ADAMTS9: variants seen among roughly 807,000 people sequenced by gnomAD.
ADAMTS9 encodes the protein ADAM metallopeptidase with thrombospondin type 1 motif 9, also known as A disintegrin and metalloproteinase with thrombospondin motifs 9.
A neutral mutation model predicts 257.1 loss-of-function variants in ADAMTS9; 107 were observed. That is an observed-to-expected ratio of 0.42 (90% CI 0.36 to 0.49). The LOEUF is 0.49. Among genes scored for constraint, ADAMTS9 ranks in the 20% least tolerant of loss-of-function variants. The pLI, the probability that ADAMTS9 is intolerant of heterozygous loss-of-function variation, is 0.03. For missense variants in ADAMTS9, 2,353 were observed against 2,469.1 expected (o/e 0.95, Z 1.00); for synonymous variants, 982 against 880.9 (o/e 1.11, Z -2.03).
intron 28 of ADAMTS9, among the ~76,000 whole-genome samples, chr3:64,577,815 C>T (rs1250963976): frequency 2.0e-5 from 3 of 152,132 alleles, no homozygotes; most frequent in Non-Finnish European, 4.4e-5. Context: ...CAATATCTGC[C>T]CCTTGGATCT....
intron 39 of ADAMTS9, among the ~76,000 whole-genome samples, chr3:64,518,193 A>G (rs1018541960): frequency 6.6e-6 from 1 of 152,208 alleles, no homozygotes; most frequent in African/African-American, 2.4e-5. Context: ...GAGAGTACTG[A>G]TGACTGAACT....
intron 16 of ADAMTS9, among the ~76,000 whole-genome samples, 198 bp downstream of exon 16, chr3:64,631,257 T>C (rs917956295): frequency 7.9e-5 from 12 of 152,222 alleles, no homozygotes; most frequent in African/African-American, 2.9e-4. Flanking sequence ...ATAGTGCAGC[T>C]ACACAACTTT....
intron 38 of ADAMTS9, among the ~76,000 whole-genome samples, chr3:64,532,930 C>T (rs1352640440): frequency 6.6e-6 from 1 of 152,158 alleles, no homozygotes; most frequent in Non-Finnish European, 1.5e-5. Flanking sequence ...TTGGATGGTT[C>T]ATATGTTCAC....
intron 28 of ADAMTS9, among the ~76,000 whole-genome samples, chr3:64,593,961 A>ATGTGTGTGTGTGTGTGTG (rs200112357): frequency 9.2e-6 from 1 of 108,264 alleles, no homozygotes; most frequent in Non-Finnish European, 1.7e-5. Context: ...TGTGTGTATG[A>ATGTGTGTGTGTGTGTGTG]TGTGTGTGTG....
chr3:64,596,392 A>G (rs1025178127), intron 27 of ADAMTS9, among the ~76,000 whole-genome samples: 1 of 152,204 alleles, frequency 6.6e-6, no homozygotes, highest in Admixed American at 6.5e-5. Flanking sequence ...TTTCATAGGA[A>G]TTATAACACC....
chr3:64,611,134 TC>T (rs952605667), intron 22 of ADAMTS9, among the ~76,000 whole-genome samples: 2 of 141,012 alleles, frequency 1.4e-5, no homozygotes, highest in Non-Finnish European at 3.1e-5. Context: ...ATTCAGCAAC[TC>T]CAATCCTAGA....
intron 28 of ADAMTS9, chr3:64,589,236 C>T (rs2084215377): frequency 6.6e-6 from 1 of 152,008 alleles, no homozygotes; most frequent in African/African-American, 2.4e-5. Context: ...GGGAATTTAC[C>T]AATAACAGGA....
intron 4 of ADAMTS9, among the ~76,000 whole-genome samples, chr3:64,657,598 A>G (rs527952528): frequency 5.3e-5 from 8 of 152,136 alleles, no homozygotes; most frequent in African/African-American, 1.9e-4. Flanking sequence ...TCAGCCTCCT[A>G]AAGTGTTGGG....
In ADAMTS9 at chr3:64,568,516, C is replaced by T. The variant is rs753540005; in HGVS notation, c.4376G>A (p.Arg1459Gln). Reference protein sequence around the residue: ...PWSSCSVSCGRGHKQRNVYCM... With the variant: ...PWSSCSVSCGQGHKQRNVYCM... ...GTAAACATTTCGTTGTTTATGCCCT[C>T]GACCACAAGAGACAGAACACTGCAA... Residue 1459 changes from arginine (R) to glutamine (Q), a missense_variant, in exon 29 of 40, where the codon CGA (arginine) becomes CAA (glutamine). Arg to Gln is a conservative substitution (Grantham distance 43, BLOSUM62 1). Transcript: ENST00000498707. The T allele has an allele frequency of 5.2e-5, 84 of 1,613,892 alleles. 2 individuals are homozygous for T. In the East Asian group the frequency reaches 1.6e-3, roughly 31 times the overall value.
At chr3:64,656,799 G>A (rs1328183694) in intron 4 of ADAMTS9, among the ~76,000 whole-genome samples, 1 of 152,026 alleles carries the variant, frequency 6.6e-6, no homozygotes, top group Non-Finnish European at 1.5e-5. Context: ...GGGCGCAGAG[G>A]GGAATGGGTC....
At chr3:64,546,672 T>A (rs1357556889) in intron 32 of ADAMTS9, 86 bp downstream of exon 32, 9 of 1,381,678 alleles carry the variant, frequency 6.5e-6, no homozygotes, top group Non-Finnish European at 8.8e-6. Flanking sequence ...GTAGAGTTAC[T>A]AAGGAGAGCG....
At chr3:64,663,954 A>G (rs982815768) in intron 3 of ADAMTS9, among the ~76,000 whole-genome samples, 1 of 152,144 alleles carries the variant, frequency 6.6e-6, no homozygotes, top group Non-Finnish European at 1.5e-5. Flanking sequence ...TAGACACTAT[A>G]TCTTATATAC....
At chr3:64,582,578 G>C (rs112805275) in intron 28 of ADAMTS9, 1 of 152,170 alleles carries the variant, frequency 6.6e-6, no homozygotes, top group South Asian at 2.1e-4. Flanking sequence ...AGAAAAGGAA[G>C]GGTGATATTG....
At chr3:64,670,132 CTGT>C in intron 3 of ADAMTS9, among the ~76,000 whole-genome samples, 1 of 84,578 alleles carries the variant, frequency 1.2e-5, no homozygotes. Flanking sequence ...ACCTCTGTCT[CTGT>C]CTCAGTCTCA....
intron 18 of ADAMTS9, among the ~76,000 whole-genome samples, chr3:64,621,943 G>C (rs1444499505): frequency 2.0e-5 from 3 of 151,920 alleles, no homozygotes; most frequent in African/African-American, 7.3e-5. Flanking sequence ...AATTACAATG[G>C]CGGAGGTGAT....
intron 16 of ADAMTS9, among the ~76,000 whole-genome samples, chr3:64,627,316 A>G (rs1327909040): frequency 6.6e-6 from 1 of 151,984 alleles, no homozygotes; most frequent in Non-Finnish European, 1.5e-5. Flanking sequence ...AGCACAAATG[A>G]TATCGGATTC....
intron 18 of ADAMTS9, among the ~76,000 whole-genome samples, chr3:64,621,461 T>G (rs1481168971): frequency 1.3e-5 from 2 of 152,084 alleles, no homozygotes; most frequent in Non-Finnish European, 2.9e-5. Context: ...CAATAAAACT[T>G]TATTTGTAAA....
intron 10 of ADAMTS9, among the ~76,000 whole-genome samples, 175 bp downstream of exon 10, chr3:64,649,462 C>T (rs371032506): frequency 6.6e-6 from 1 of 152,186 alleles, no homozygotes. Flanking sequence ...CTATTTAACA[C>T]TGAGCAGCAG....
chr3:64,586,150 A>G (rs73122212), intron 28 of ADAMTS9, among the ~76,000 whole-genome samples: 9,169 of 152,192 alleles, frequency 0.06, 766 homozygotes, highest in African/African-American at 0.19. Context: ...CTGAGCAGTG[A>G]GATCAACTAA....
Sources: allele counts gnomAD v4.1 joint callset (sites outside exome capture counted in the v4.1 genomes callset), GRCh38; gene constraint gnomAD v4.1.1; transcripts MANE v1.5; gene names NCBI Gene and HGNC (gene_info 2026-07-23, HGNC 2026-07-21).